Variants in DAAM1 observed in about 807,000 individuals in gnomAD.
DAAM1 encodes disheveled-associated activator of morphogenesis 1.
In DAAM1, 52 loss-of-function variants were observed where a neutral mutation model predicts 130.0. The observed-to-expected ratio is 0.40, with a 90% CI of 0.32 to 0.50. The LOEUF (loss-of-function observed/expected upper bound fraction) is 0.50. DAAM1 is among the 20% of genes least tolerant of loss of function. The pLI is 0.61. For missense variants in DAAM1, 1,134 were observed against 1,303.8 expected, an observed-to-expected ratio of 0.87 and a Z score of 2.01; for synonymous variants, 452 against 444.5, an observed-to-expected ratio of 1.02 and a Z score of -0.21.
At chr14:59,367,726 G>A in intron 24 of DAAM1, 127 bp downstream of exon 24, 3 of 1,268,884 alleles carry the variant, frequency 2.4e-6, no homozygotes, top group Non-Finnish European at 3.1e-6. Flanking sequence ...CTAGAATGCT[G>A]TGGGACTTTA....
At chr14:59,313,485 G>T (rs540373926) in intron 3 of DAAM1, among the ~76,000 whole-genome samples, 1 of 152,204 alleles carries the variant, frequency 6.6e-6, no homozygotes, top group Non-Finnish European at 1.5e-5. Flanking sequence ...CCAATCTTCA[G>T]TTTCAAGAAT....
At chr14:59,311,566 AAAAAG>A (rs1884596730) in intron 3 of DAAM1, among the ~76,000 whole-genome samples, 1 of 152,004 alleles carries the variant, frequency 6.6e-6, no homozygotes, top group Admixed American at 6.5e-5. Flanking sequence ...AAAAAAAAAA[AAAAAG>A]AAAACCTTCC....
At chr14:59,282,817 A>G (rs1243667517) in intron 2 of DAAM1, among the ~76,000 whole-genome samples, 1 of 152,214 alleles carries the variant, frequency 6.6e-6, no homozygotes, top group East Asian at 1.9e-4. Flanking sequence ...AAGAACATAG[A>G]AAGTGCTCAA....
At chr14:59,280,535 C>CTTTTTTTTTTTTTTTTT (rs35354608) in intron 2 of DAAM1, among the ~76,000 whole-genome samples, 59 of 90,664 alleles carry the variant, frequency 6.5e-4, no homozygotes, top group Non-Finnish European at 7.5e-4. Flanking sequence ...GCACACCTTC[C>CTTTTTTTTTTTTTTTTT]TTTTTTTTTT....
At chr14:59,202,224 A>G (rs573202796) in intron 1 of DAAM1, among the ~76,000 whole-genome samples, 1 of 152,354 alleles carries the variant, frequency 6.6e-6, no homozygotes, top group African/African-American at 2.4e-5. Context: ...CTCTGGCGTC[A>G]TAGACGTGGG....
intron 1 of DAAM1, among the ~76,000 whole-genome samples, chr14:59,262,045 A>G (rs879315363): frequency 1.4e-5 from 2 of 148,104 alleles, no homozygotes; most frequent in Non-Finnish European, 3.0e-5. Flanking sequence ...ACCAATTCTC[A>G]TCCCACCTTT....
chr14:59,321,128 C>CA (rs11292687), intron 5 of DAAM1, among the ~76,000 whole-genome samples: 4 of 151,404 alleles, frequency 2.6e-5, no homozygotes, highest in East Asian at 1.9e-4. Context: ...AATTTGGCTA[C>CA]AAAAAAAAGG....
chr14:59,217,508 T>C (rs889500606), intron 1 of DAAM1, among the ~76,000 whole-genome samples: 35 of 152,128 alleles, frequency 2.3e-4, no homozygotes, highest in Admixed American at 1.4e-3. Context: ...GTTATGGTAT[T>C]GATTAGCAAT....
At position 59,322,918 on chromosome 14, in the gene DAAM1, A is replaced by G. The variant is rs756037306; in HGVS notation, c.467A>G (p.Asp156Gly). The G allele has an allele frequency of 3.7e-6, 6 of 1,611,824 alleles. No homozygotes were observed. Among genetic ancestry groups the G allele is most frequent in the Non-Finnish European group, 5.1e-6 (6 of 1,178,320 alleles). ...MRFVTRFIDL[D>G]GLSCILNFLK... ...TTTGTAACCAGATTCATCGACTTGG[A>G]TGGCCTATCATGTATCCTCAACTTT... is the stretch of plus-strand genomic sequence containing the variant. The change falls in exon 6 of 25, where the codon GAT becomes GGT. Residue 156 changes from aspartate (D) to glycine (G), a missense_variant. This residue lies in a region of DAAM1 where 391 missense variants were observed against 521.6 expected (regional missense o/e 0.75). Coordinates refer to ENST00000360909, the MANE Select transcript of DAAM1 (RefSeq NM_001270520.2).
At chr14:59,262,088 C>A (rs1400057499) in intron 1 of DAAM1, among the ~76,000 whole-genome samples, 1 of 151,776 alleles carries the variant, frequency 6.6e-6, no homozygotes, top group African/African-American at 2.4e-5. Flanking sequence ...TCTTTTTTAA[C>A]CTCATTGAAG....
chr14:59,326,227 G>A, intron 10 of DAAM1, 150 bp downstream of exon 10: 1 of 732,014 alleles, frequency 1.4e-6, no homozygotes. Flanking sequence ...GTGTCTACAT[G>A]GCTTAAAGGG....
rs1885430735 is a variant in DAAM1, at chr14:59,331,366, G to T, written c.1718G>T (p.Gly573Val). 1 of 1,612,124 alleles carries T rather than the reference G, an allele frequency of 6.2e-7. No homozygotes were observed. Among genetic ancestry groups the T allele is most frequent in the African/African-American group, 1.3e-5 (1 of 74,602 alleles). Residue 573 changes from glycine (G) to valine (V), a missense_variant, in exon 14 of 25, where the codon GGC becomes GTC. Physicochemically the swap from Gly to Val is moderately radical, Grantham distance 109 (BLOSUM62 -3). Coordinates refer to ENST00000360909, the MANE Select transcript of DAAM1 (RefSeq NM_001270520.2). Reference protein sequence around the residue: ...PPPPPPLPPGGPPPPPGPPPL... With the variant: ...PPPPPPLPPGVPPPPPGPPPL... Reference sequence around the variant, plus strand: ...CCACCGCCTCCCCTCCCTCCAGGTGGCCCTCCTCCTCCCCCAGGGCCTCCT... The same window carrying T: ...CCACCGCCTCCCCTCCCTCCAGGTGTCCCTCCTCCTCCCCCAGGGCCTCCT...
chr14:59,238,535 T>C (rs1056578632), intron 1 of DAAM1, among the ~76,000 whole-genome samples: 1 of 152,164 alleles, frequency 6.6e-6, no homozygotes, highest in Non-Finnish European at 1.5e-5. Context: ...AGTTCCTCCT[T>C]CTGTGTGTTC....
rs1333874911 is a variant in DAAM1 at position 59,359,486 on chromosome 14, C to T, written c.2615C>T (p.Pro872Leu). The change falls in exon 21 of 25, where the codon CCT becomes CTT. Residue 872 changes from proline to leucine, a missense_variant. Pro to Leu is a moderately conservative substitution (Grantham distance 98). Transcript: ENST00000360909. ...LNLNEELRDI[P>L]QAAKVNMTEL... The stretch of plus-strand genomic sequence containing the variant: ...CTAAATGAAGAATTGCGAGATATTC[C>T]TCAAGCTGCGAAAGTAAAGTAAGTA... 3 of 1,613,414 alleles carry T rather than the reference C, an allele frequency of 1.9e-6. No homozygotes were observed. The highest frequency in any genetic ancestry group is 1.3e-5 in the African/African-American group (1 of 75,026).
intron 1 of DAAM1, among the ~76,000 whole-genome samples, chr14:59,236,089 C>T (rs1205927418): frequency 6.6e-6 from 1 of 152,148 alleles, no homozygotes; most frequent in African/African-American, 2.4e-5. Context: ...CCCCAACCCA[C>T]TTTATTTACT....
intron 3 of DAAM1, among the ~76,000 whole-genome samples, chr14:59,293,925 G>T (rs1286209118): frequency 3.3e-5 from 5 of 152,142 alleles, no homozygotes; most frequent in Admixed American, 3.3e-4. Context: ...TTAATATTAA[G>T]AACAGATTAT....
intron 1 of DAAM1, among the ~76,000 whole-genome samples, chr14:59,211,715 C>T (rs1324196711): frequency 6.6e-6 from 1 of 152,138 alleles, no homozygotes; most frequent in Non-Finnish European, 1.5e-5. Flanking sequence ...GAATAAATAA[C>T]ACCTCCAGTG....
chr14:59,366,854 G>A (rs1384179675), intron 23 of DAAM1, among the ~76,000 whole-genome samples: 1 of 151,800 alleles, frequency 6.6e-6, no homozygotes, highest in African/African-American at 2.4e-5. Context: ...GCTGTATTTT[G>A]CTGTGATCAT....
At chr14:59,353,116 C>G (rs1056767947) in intron 18 of DAAM1, among the ~76,000 whole-genome samples, 2 of 152,202 alleles carry the variant, frequency 1.3e-5, no homozygotes, top group African/African-American at 4.8e-5. Context: ...ACTAATCAAT[C>G]ATGGCACTCT....
Sources: gnomAD v4.1 joint callset for allele counts (sites outside exome capture counted in the v4.1 genomes callset) on GRCh38, gnomAD v4.1.1 for gene constraint, gnomAD v4.1.1 regional missense constraint, MANE v1.5 for transcripts, NCBI Gene and HGNC (gene_info 2026-07-23, HGNC 2026-07-21) for gene names.